The following HPGDS variants were observed in gnomAD, a reference collection of about 807,000 sequenced individuals.
HPGDS encodes GST class-sigma.
Under a neutral mutation model 23.1 loss-of-function variants are expected in HPGDS, and 26 were observed. That is an observed-to-expected ratio of 1.13 (90% CI 0.83 to 1.56). The LOEUF is 1.56. HPGDS is among the 40% of genes most tolerant of loss of function. HPGDS has a pLI of 0.00. For synonymous variants in HPGDS, 95 were observed against 77.9 expected (o/e 1.22, Z -1.16); for missense variants, 268 against 236.4 (o/e 1.13, Z -0.88).
chr4:94,317,708 T>G (rs1180511853), intron 3 of HPGDS, among the ~76,000 whole-genome samples, 165 bp downstream of exon 3: 2 of 152,232 alleles, frequency 1.3e-5, no homozygotes, highest in Non-Finnish European at 2.9e-5. Flanking sequence ...AGGGAACTCA[T>G]GGAAAGTTAA....
chr4:94,319,816 G>A (rs534050446), intron 2 of HPGDS, among the ~76,000 whole-genome samples: 178 of 152,208 alleles, frequency 1.2e-3, no homozygotes, highest in African/African-American at 4.1e-3. Flanking sequence ...CAATGTGCAG[G>A]TTTGTTACAT....
At chr4:94,316,086 A>T (rs958016544) in intron 3 of HPGDS, among the ~76,000 whole-genome samples, 2 of 152,208 alleles carry the variant, frequency 1.3e-5, no homozygotes, top group South Asian at 4.1e-4. Flanking sequence ...AGCCCCAAGT[A>T]GTGGCTGTAT....
intron 4 of HPGDS, among the ~76,000 whole-genome samples, chr4:94,304,493 A>G (rs912343937): frequency 6.6e-6 from 1 of 152,128 alleles, no homozygotes; most frequent in Admixed American, 6.6e-5. Context: ...TAAGGTGTAT[A>G]TGACAAGAAT....
intron 4 of HPGDS, among the ~76,000 whole-genome samples, chr4:94,305,070 C>T (rs1756115365): frequency 6.6e-6 from 1 of 152,054 alleles, no homozygotes; most frequent in Admixed American, 6.6e-5. Flanking sequence ...AAACAATTAA[C>T]ACCAAAGTAT....
chr4:94,314,594 A>C (rs1756355339), intron 3 of HPGDS, among the ~76,000 whole-genome samples: 1 of 152,156 alleles, frequency 6.6e-6, no homozygotes, highest in Non-Finnish European at 1.5e-5. Context: ...TCAGAGACCC[A>C]CTTGAGGAGG....
Position 94,314,177 on chromosome 4 carries a change from G to C in HPGDS, c.226+3696C>G, listed in dbSNP as rs977044018. 3.3e-5 allele frequency among the ~76,000 whole-genome samples: 5 copies of C among 152,178 alleles called. No individual in the cohort carries two copies. The East Asian group carries it at 9.6e-4, about 29-fold the overall frequency. On this transcript the variant is annotated intron_variant, in intron 3 of 5. Coordinates refer to ENST00000295256, the MANE Select transcript of HPGDS (RefSeq NM_014485.3). ...CTCTGTCCAGCTTTGTTCCATTGCT[G>C]GTGAGGAGCTGCGTTCCTTTGGAGG...
At chr4:94,334,185 G>A (rs889336051) in intron 2 of HPGDS, 6 of 197,886 alleles carry the variant, frequency 3.0e-5, no homozygotes, top group African/African-American at 1.4e-4. Flanking sequence ...CCTAAACTCT[G>A]TGCACTTCAG....
chr4:94,311,939 G>A (rs111640550), intron 3 of HPGDS, among the ~76,000 whole-genome samples: 2 of 151,376 alleles, frequency 1.3e-5, no homozygotes, highest in Non-Finnish European at 2.9e-5. Flanking sequence ...GGTGTTTATA[G>A]TATTCTCTGA....
Position 94,299,261 on chromosome 4 carries a change from T to C in HPGDS, c.*219A>G. On this transcript the variant is annotated 3_prime_UTR_variant, in exon 6 of 6. Coordinates refer to ENST00000295256, the MANE Select transcript of HPGDS (RefSeq NM_014485.3). ...GTCTGCCTGTATTACATACTATTTT[T>C]CTGTAATTGTAAATGATGAGAAGCT... The C allele has an allele frequency of 2.1e-6, 1 of 466,292 alleles. No homozygotes were observed. The highest frequency in any genetic ancestry group is 3.2e-5 in the East Asian group (1 of 30,814). The allele number at this position is 466,292 out of a possible 1,614,324, so 28.9% of individuals were successfully genotyped here. A position where few individuals can be genotyped will look rare whatever the true frequency, so the allele number is the denominator to read the frequency against.
chr4:94,318,713 AT>A (rs1228727462), intron 2 of HPGDS, among the ~76,000 whole-genome samples: 1 of 152,016 alleles, frequency 6.6e-6, no homozygotes, highest in African/African-American at 2.4e-5. Flanking sequence ...TAGCTTATGG[AT>A]TAAAAAAATT....
At chr4:94,334,252 C>A in intron 2 of HPGDS, 1 of 328,716 alleles carries the variant, frequency 3.0e-6, no homozygotes, top group Non-Finnish European at 5.4e-6. Context: ...ATGTTTATTT[C>A]AGCTCATATT....
intron 3 of HPGDS, among the ~76,000 whole-genome samples, chr4:94,315,504 A>G (rs765849397): frequency 1.3e-5 from 2 of 151,918 alleles, no homozygotes; most frequent in Non-Finnish European, 2.9e-5. Context: ...CTTTTGTCTC[A>G]TTTGTTAATC....
In HPGDS at chr4:94,313,233, G is replaced by T. The variant is rs568970372; in HGVS notation, c.227-4490C>A. Among the ~76,000 whole-genome samples the T allele has an allele frequency of 7.2e-5, 11 of 152,196 alleles. No individual in the cohort carries two copies. The South Asian group carries it at 2.3e-3, about 32-fold the overall frequency. ...AGCTGATGCAGTTTCTTCCTAGCTTGGGTGGTCTTTACAATTTGGCATGTT... is the reference window on the plus strand; with the variant it reads ...AGCTGATGCAGTTTCTTCCTAGCTTTGGTGGTCTTTACAATTTGGCATGTT... On this transcript the variant is annotated intron_variant, in intron 3 of 5. Transcript: ENST00000295256.
At chr4:94,313,180 A>T (rs1215310491) in intron 3 of HPGDS, among the ~76,000 whole-genome samples, 1 of 152,192 alleles carries the variant, frequency 6.6e-6, no homozygotes, top group African/African-American at 2.4e-5. Context: ...TCCTGTCATT[A>T]TGATGTTAGC....
chr4:94,308,748 G>A lies in HPGDS; in HGVS notation c.227-5C>T, dbSNP rs760156591. On this transcript the variant is annotated splice_polypyrimidine_tract_variant and splice_region_variant and intron_variant, in intron 3 of 5. Transcript: ENST00000295256. ...TTTCTGTGTTTCCAGCCAAATCTGT[G>A]GAATAGAGAGAGGCCCATCAATATG... 95 of 1,474,362 alleles carry A rather than the reference G, an allele frequency of 6.4e-5. No homozygotes were observed. The highest frequency in any genetic ancestry group is 8.4e-5 in the Non-Finnish European group (89 of 1,057,974). The allele number at this position is 1,474,362 out of a possible 1,614,324, so 91.3% of individuals were successfully genotyped here.
chr4:94,312,328 G>A (rs1756292711), intron 3 of HPGDS, among the ~76,000 whole-genome samples: 1 of 152,144 alleles, frequency 6.6e-6, no homozygotes, highest in South Asian at 2.1e-4. Flanking sequence ...CAGAGATTCT[G>A]GTACGTTGTG....
intron 4 of HPGDS, among the ~76,000 whole-genome samples, chr4:94,307,186 C>T (rs1756155003): frequency 6.6e-6 from 1 of 151,800 alleles, no homozygotes; most frequent in African/African-American, 2.4e-5. Context: ...AAAATAAAAA[C>T]ATCTTTAAAC....
intron 1 of HPGDS, among the ~76,000 whole-genome samples, chr4:94,342,113 C>T (rs1578149388): frequency 6.6e-6 from 1 of 150,564 alleles, no homozygotes; most frequent in Non-Finnish European, 1.5e-5. Context: ...GGATGTTTAA[C>T]TTTGAATTAG....
At chr4:94,320,206 G>C (rs1042951528) in intron 2 of HPGDS, among the ~76,000 whole-genome samples, 1 of 152,056 alleles carries the variant, frequency 6.6e-6, no homozygotes, top group South Asian at 2.1e-4. Flanking sequence ...ATTGTTAATA[G>C]TGCTGCAATA....
Sources: allele counts gnomAD v4.1 joint callset (sites outside exome capture counted in the v4.1 genomes callset), GRCh38; gene constraint gnomAD v4.1.1; transcripts MANE v1.5; gene names NCBI Gene and HGNC (gene_info 2026-07-23, HGNC 2026-07-21).